Variants in DLG2 observed in about 807,000 individuals in gnomAD.
The protein encoded by DLG2 is discs large MAGUK scaffold protein 2, also known as disks large homolog 2.
In DLG2, 45 loss-of-function variants were observed where a neutral mutation model predicts 132.5. The observed-to-expected ratio is 0.34, with a 90% confidence interval of 0.27 to 0.44. The LOEUF is 0.44. DLG2 is among the 20% of genes least tolerant of loss of function. The pLI, the probability that DLG2 is intolerant of heterozygous loss-of-function variation, is 1.00. For synonymous variants in DLG2, 424 were observed against 419.6 expected (o/e 1.01, Z -0.13); for missense variants, 1,045 against 1,196.9 (o/e 0.87, Z 1.87).
At chr11:84,060,346 A>C (rs1278680536) in intron 10 of DLG2, among the ~76,000 whole-genome samples, 1 of 152,056 alleles carries the variant, frequency 6.6e-6, no homozygotes, top group Non-Finnish European at 1.5e-5. Context: ...TAAATTAAAT[A>C]AGTCTGTCAG....
intron 8 of DLG2, among the ~76,000 whole-genome samples, chr11:84,243,309 T>C (rs1290114488): frequency 1.3e-5 from 2 of 152,138 alleles, no homozygotes; most frequent in Non-Finnish European, 2.9e-5. Context: ...TAAATAACCA[T>C]ATGTGACTTA....
intron 6 of DLG2, among the ~76,000 whole-genome samples, chr11:84,834,903 GA>G (rs934876512): frequency 3.4e-4 from 50 of 148,854 alleles, no homozygotes; most frequent in African/African-American, 6.1e-4. Context: ...GGGTGTTAAT[GA>G]AAAAAAAAAA....
intron 16 of DLG2, among the ~76,000 whole-genome samples, chr11:83,842,938 C>T (rs2057929010): frequency 6.6e-6 from 1 of 152,062 alleles, no homozygotes; most frequent in South Asian, 2.1e-4. Context: ...CAGTCAAATC[C>T]TACAACCTCC....
In DLG2 at chr11:85,560,428, C is replaced by G. The variant is rs867363763; in HGVS notation, c.40+38229G>C. ...AAAAGGAATGAACTACTGATATAGG[C>G]TACAACATGGATGAACCTCAAAAAC... On this transcript the variant is annotated intron_variant, in intron 3 of 27. Coordinates refer to ENST00000376104, the MANE Select transcript of DLG2 (RefSeq NM_001142699.3). Among the ~76,000 whole-genome samples, 3 of 151,930 alleles carry G rather than the reference C, an allele frequency of 2.0e-5. No individual in the cohort carries two copies. The South Asian group carries it at 6.2e-4, about 32-fold the overall frequency.
At chr11:84,630,343 G>T (rs1034085194) in intron 6 of DLG2, among the ~76,000 whole-genome samples, 1 of 152,134 alleles carries the variant, frequency 6.6e-6, no homozygotes, top group Non-Finnish European at 1.5e-5. Context: ...CTGAGGTTAG[G>T]TTTGGGGTAG....
At chr11:83,919,051 T>C (rs954829619) in intron 15 of DLG2, among the ~76,000 whole-genome samples, 3 of 152,066 alleles carry the variant, frequency 2.0e-5, no homozygotes, top group South Asian at 4.1e-4. Flanking sequence ...GTGAGGAGAT[T>C]TCTATGGGAA....
chr11:83,790,627 G>T, intron 17 of DLG2: 1 of 1,284,012 alleles, frequency 7.8e-7, no homozygotes, highest in Non-Finnish European at 1.1e-6. Context: ...TGATTATTTT[G>T]CATTGGAGGT....
intron 6 of DLG2, among the ~76,000 whole-genome samples, chr11:84,703,359 T>C (rs2059403919): frequency 6.6e-6 from 1 of 151,602 alleles, no homozygotes; most frequent in African/African-American, 2.4e-5. Flanking sequence ...TTGCTCTAAA[T>C]GATCAACTTT....
intron 5 of DLG2, among the ~76,000 whole-genome samples, chr11:85,144,896 G>A (rs1331170300): frequency 6.6e-6 from 1 of 152,044 alleles, no homozygotes; most frequent in Non-Finnish European, 1.5e-5. Flanking sequence ...ATTTGGCTGT[G>A]TATTTGCTGT....
intron 3 of DLG2, among the ~76,000 whole-genome samples, chr11:85,308,013 G>A (rs141250989): frequency 6.6e-6 from 1 of 151,958 alleles, no homozygotes; most frequent in East Asian, 1.9e-4. Flanking sequence ...AAATTAGCTG[G>A]GTGTGGTGGC....
intron 19 of DLG2, chr11:83,632,096 T>G (rs1290087899): frequency 6.6e-6 from 1 of 152,202 alleles, no homozygotes. Context: ...TTCCCTGGAA[T>G]AAGAAGGGAC....
chr11:84,544,051 G>A (rs1213884993), intron 6 of DLG2, among the ~76,000 whole-genome samples: 1 of 152,140 alleles, frequency 6.6e-6, no homozygotes, highest in Non-Finnish European at 1.5e-5. Flanking sequence ...TCCTTTTTAA[G>A]GAACTGATGA....
chr11:84,635,311 C>T (rs1226410041), intron 6 of DLG2, among the ~76,000 whole-genome samples: 1 of 152,118 alleles, frequency 6.6e-6, no homozygotes, highest in African/African-American at 2.4e-5. Flanking sequence ...CCCACCCTTC[C>T]TTGGGGCCAA....
intron 4 of DLG2, among the ~76,000 whole-genome samples, chr11:85,230,901 C>T (rs931470434): frequency 2.0e-5 from 3 of 151,784 alleles, no homozygotes; most frequent in Non-Finnish European, 2.9e-5. Flanking sequence ...CCTCTTCCAC[C>T]ACGTGAGGAT....
At chr11:84,988,931 T>G (rs1478183337) in intron 6 of DLG2, among the ~76,000 whole-genome samples, 3 of 152,122 alleles carry the variant, frequency 2.0e-5, no homozygotes, top group Non-Finnish European at 2.9e-5. Context: ...TCCTTATTTG[T>G]AGATGACATC....
chr11:84,789,271 G>A (rs1437168831), intron 6 of DLG2, among the ~76,000 whole-genome samples: 2 of 152,098 alleles, frequency 1.3e-5, no homozygotes, highest in African/African-American at 4.8e-5. Flanking sequence ...TTCTCATAAT[G>A]GCTGCAGTGA....
Position 85,347,797 on chromosome 11 carries a change from C to CTT in DLG2, c.41-62434_41-62433dup, listed in dbSNP as rs1168590401. Among the ~76,000 whole-genome samples the CTT allele has an allele frequency of 6.1e-3, 582 of 94,922 alleles. 53 individuals carry two copies. The highest frequency in any genetic ancestry group is 0.018 in the African/African-American group (429 of 23,334). The allele number at this position is 94,922 out of a possible 152,430, so 62.3% of individuals were successfully genotyped here. A position where few individuals can be genotyped will look rare whatever the true frequency, so the allele number is the denominator to read the frequency against. ...AGGGCATGGTACACTAAGAGGCACT[C>CTT]TTTTTTTTTTTTTTTTTTTTTTTTG... On this transcript the variant is annotated intron_variant, in intron 3 of 27. Transcript: ENST00000376104.
chr11:83,887,669 T>G (rs927116038), intron 15 of DLG2, among the ~76,000 whole-genome samples: 9 of 151,164 alleles, frequency 6.0e-5, no homozygotes, highest in Non-Finnish European at 1.5e-5. Flanking sequence ...TAGACCAATA[T>G]CCTTGATGAA....
intron 10 of DLG2, among the ~76,000 whole-genome samples, chr11:84,079,910 C>T (rs2096879927): frequency 1.3e-5 from 2 of 152,188 alleles, no homozygotes; most frequent in African/African-American, 4.8e-5. Flanking sequence ...GCTCCATTCA[C>T]TTGGGTAACA....
Sources: allele counts gnomAD v4.1 joint callset (sites outside exome capture counted in the v4.1 genomes callset), GRCh38; gene constraint gnomAD v4.1.1; transcripts MANE v1.5; gene names NCBI Gene and HGNC (gene_info 2026-07-23, HGNC 2026-07-21).